The following COLQ variants were observed in gnomAD, a reference collection of about 807,000 sequenced individuals.
COLQ encodes collagen like tail subunit of asymmetric acetylcholinesterase, also known as acetylcholinesterase collagenic tail peptide.
A neutral mutation model predicts 69.0 loss-of-function variants in COLQ; 48 were observed. The ratio of observed to expected loss-of-function variants is 0.70; its 90% CI spans 0.55 to 0.88. The LOEUF is 0.88. Ranked by LOEUF, COLQ falls within the 40% of genes least tolerant of loss-of-function variation. The pLI is 0.00. For missense variants in COLQ, 618 were observed against 594.6 expected, an observed-to-expected ratio of 1.04 and a Z score of -0.41; for synonymous variants, 217 against 211.2, an observed-to-expected ratio of 1.03 and a Z score of -0.24.
At chr3:15,521,467 C>T in intron 1 of COLQ, 53 bp downstream of exon 1, 1 of 1,610,058 alleles carries the variant, frequency 6.2e-7, no homozygotes, top group Non-Finnish European at 8.5e-7. Context: ...ATCTTCCTTC[C>T]TCCCCCTGTC....
chr3:15,464,379 C>T (rs1001105394), intron 12 of COLQ, among the ~76,000 whole-genome samples: 1 of 152,210 alleles, frequency 6.6e-6, no homozygotes, highest in African/African-American at 2.4e-5. Flanking sequence ...ATTTCTATTT[C>T]TACTCTATTT....
chr3:15,482,822 T>C (rs147740988), intron 3 of COLQ, among the ~76,000 whole-genome samples: 1,784 of 152,328 alleles, frequency 0.012, 32 homozygotes, highest in African/African-American at 0.039. Context: ...AGAATTTGGC[T>C]ATGAATCCGT....
intron 5 of COLQ, 116 bp from the exon 6 acceptor site, chr3:15,477,313 T>C: frequency 1.1e-6 from 1 of 894,940 alleles, no homozygotes; most frequent in Non-Finnish European, 1.8e-6. Context: ...ATGGCTACTA[T>C]GACCCTCATC....
intron 12 of COLQ, among the ~76,000 whole-genome samples, chr3:15,460,790 A>G (rs2062100481): frequency 6.6e-6 from 1 of 152,204 alleles, no homozygotes; most frequent in Non-Finnish European, 1.5e-5. Flanking sequence ...GCCCAGAGAG[A>G]CAGGGAATCC....
intron 1 of COLQ, among the ~76,000 whole-genome samples, chr3:15,519,290 T>C (rs1575501356): frequency 6.6e-6 from 1 of 152,226 alleles, no homozygotes; most frequent in African/African-American, 2.4e-5. Flanking sequence ...CTCTCTGCCC[T>C]CAGTGTTCCA....
At chr3:15,490,138 G>A (rs1011630672) in intron 1 of COLQ, among the ~76,000 whole-genome samples, 4 of 152,136 alleles carry the variant, frequency 2.6e-5, no homozygotes, top group Non-Finnish European at 4.4e-5. Context: ...ACACATTCAC[G>A]TGTCACTCAT....
At position 15,458,222 on chromosome 3, in the gene COLQ, T is replaced by A. The variant is rs765680430; in HGVS notation, c.918A>T (p.Glu306Asp). 28 of 1,613,978 alleles carry A rather than the reference T, an allele frequency of 1.7e-5. No homozygotes were observed. The highest frequency in any genetic ancestry group is 2.1e-5 in the Non-Finnish European group (25 of 1,180,004). The change falls in exon 13 of 17, where the codon GAA (glutamate) becomes GAT (aspartate). Residue 306 changes from glutamate to aspartate, a missense_variant. Transcript: ENST00000383788. ...TMNVNNPSYG[E>D]SVYGPSSPRV... ...GCGGGGAACTGGGCCCATACACAGA[T>A]TCCCCGTAGGAAGGGTTATTCACAT...
chr3:15,516,079 G>T (rs1223606584), intron 1 of COLQ, among the ~76,000 whole-genome samples: 1 of 152,172 alleles, frequency 6.6e-6, no homozygotes, highest in Non-Finnish European at 1.5e-5. Context: ...ACTGCTGCAC[G>T]CAGAGGCTTG....
chr3:15,486,406 T>A (rs1008410842), intron 3 of COLQ, among the ~76,000 whole-genome samples: 1 of 152,198 alleles, frequency 6.6e-6, no homozygotes, highest in African/African-American at 2.4e-5. Flanking sequence ...AGGGACAGCA[T>A]CCACATTGTG....
rs560778124 is a variant in COLQ at position 15,474,107 on chromosome 3, T to C, written c.601-72A>G. ...CTGAAATGGCTGTGGACAGGCTTTGTTGGTCATTTTCAAGATGGAGGCCTG... is the reference window on the plus strand; with the variant it reads ...CTGAAATGGCTGTGGACAGGCTTTGCTGGTCATTTTCAAGATGGAGGCCTG... On this transcript the variant is annotated intron_variant, in intron 9 of 16. Coordinates refer to ENST00000383788, the MANE Select transcript of COLQ (RefSeq NM_005677.4). The C allele has an allele frequency of 4.8e-5, 78 of 1,609,148 alleles. 1 individual carries two copies. In the South Asian group the frequency reaches 7.9e-4, roughly 16 times the overall value.
At chr3:15,477,289 T>C (rs1260620413) in intron 5 of COLQ, 92 bp from the exon 6 acceptor site, 2 of 1,210,674 alleles carry the variant, frequency 1.7e-6, no homozygotes, top group Middle Eastern at 1.9e-4. Context: ...GAGGAGACAG[T>C]GGGTTCTCTA....
At chr3:15,461,998 CTTATTTATTTATTTATTTATTTAT>C (rs71045162) in intron 12 of COLQ, among the ~76,000 whole-genome samples, 5 of 138,016 alleles carry the variant, frequency 3.6e-5, no homozygotes, top group African/African-American at 8.0e-5. Flanking sequence ...ACAGGGATAA[CTTATTTATTTATTTATTTATTTAT>C]TTATTTATTT....
At chr3:15,520,031 T>C (rs1226687323) in intron 1 of COLQ, among the ~76,000 whole-genome samples, 1 of 152,192 alleles carries the variant, frequency 6.6e-6, no homozygotes, top group Admixed American at 6.5e-5. Flanking sequence ...AGGGAGCTCA[T>C]CAGAGGCAGG....
At position 15,470,542 on chromosome 3, in the gene COLQ, G is replaced by T. The variant is rs763329693; in HGVS notation, c.711C>A (p.Gly237=). ...RGPTGRPGKR[G]KQGQKGDSGV... is the part of the protein sequence containing the mutation. ...TAAGCCCTGGGATCCTTACCTGCTTGCCTCGTTTTCCTGGTCTTCCTGTGG... is the reference window on the plus strand; with the variant it reads ...TAAGCCCTGGGATCCTTACCTGCTTTCCTCGTTTTCCTGGTCTTCCTGTGG... The change falls in exon 11 of 17, where the codon GGC becomes GGA. Residue 237 remains glycine (G), a synonymous_variant. Coordinates refer to ENST00000383788, the MANE Select transcript of COLQ (RefSeq NM_005677.4). 2.5e-6 allele frequency: 4 copies of T among 1,613,800 alleles called. No homozygotes were observed. The East Asian group carries it at 6.7e-5, about 27-fold the overall frequency.
chr3:15,484,301 T>C (rs2062538762), intron 3 of COLQ, among the ~76,000 whole-genome samples: 1 of 152,258 alleles, frequency 6.6e-6, no homozygotes, highest in Non-Finnish European at 1.5e-5. Context: ...AGTTTCTTCA[T>C]GGTGTTGATG....
At chr3:15,479,451 G>C in intron 3 of COLQ, 69 bp from the exon 4 acceptor site, 2 of 1,432,980 alleles carry the variant, frequency 1.4e-6, no homozygotes, top group Non-Finnish European at 2.0e-6. Context: ...TGAGGCTCTT[G>C]GTGCACTGGG....
intron 1 of COLQ, among the ~76,000 whole-genome samples, chr3:15,493,627 G>A (rs903527886): frequency 2.6e-5 from 4 of 152,236 alleles, no homozygotes; most frequent in African/African-American, 9.6e-5. Context: ...CAGGGAATCT[G>A]TTTGCCCAGC....
At chr3:15,479,416 A>T (rs113788790) in intron 3 of COLQ, 34 bp from the exon 4 acceptor site, 4 of 1,609,764 alleles carry the variant, frequency 2.5e-6, no homozygotes, top group Non-Finnish European at 3.4e-6. Flanking sequence ...AAGAAAGTAT[A>T]TATCAGTCTG....
intron 1 of COLQ, among the ~76,000 whole-genome samples, chr3:15,521,048 C>T (rs1367421884): frequency 6.6e-6 from 1 of 152,164 alleles, no homozygotes; most frequent in African/African-American, 2.4e-5. Flanking sequence ...CTGCATTTTC[C>T]CTTCGAGGGA....
Sources: allele counts gnomAD v4.1 joint callset (sites outside exome capture counted in the v4.1 genomes callset), GRCh38; gene constraint gnomAD v4.1.1; transcripts MANE v1.5; gene names NCBI Gene and HGNC (gene_info 2026-07-23, HGNC 2026-07-21).